EGR4: variants seen among roughly 807,000 people sequenced by gnomAD.
EGR4 encodes the protein early growth response 4, also known as early growth response protein 4.
Under a neutral mutation model 25.4 loss-of-function variants are expected in EGR4, and 22 were observed. The observed-to-expected ratio is 0.87, with a 90% CI of 0.62 to 1.24. The LOEUF (loss-of-function observed/expected upper bound fraction) is 1.24, where lower values mean the gene tolerates loss of function less well. EGR4 is among the 50% of genes most tolerant of loss of function. The pLI, the probability that EGR4 is intolerant of heterozygous loss-of-function variation, is 0.00. For missense variants in EGR4, 742 were observed against 702.9 expected (o/e 1.06, Z -0.63); for synonymous variants, 375 against 320.1 (o/e 1.17, Z -1.83).
At position 73,291,175 on chromosome 2, in the gene EGR4, A is replaced by G. The variant is rs1360480146; in HGVS notation, c.*282T>C. On this transcript the variant is annotated 3_prime_UTR_variant, in exon 2 of 2. Transcript: ENST00000436467. ...GTGGGGCGTGTGCCAGTTACAAAAG[A>G]CTGTCTTGAATCCCAGGGTAGTGCC... The G allele has an allele frequency of 6.4e-5, 30 of 467,668 alleles. No homozygotes were observed. The East Asian group carries it at 1.1e-3, about 17-fold the overall frequency. 29.0% of individuals were successfully genotyped at this position (467,668 alleles called of 1,614,324 possible).
At position 73,291,595 on chromosome 2, in the gene EGR4, G is replaced by T; in HGVS notation, c.1323C>A (p.Asp441Glu). 2 of 1,613,134 alleles carry T rather than the reference G, an allele frequency of 1.2e-6. No individual in the cohort carries two copies. The highest frequency in any genetic ancestry group is 8.5e-7 in the Non-Finnish European group (1 of 1,179,890). Residue 441 changes from aspartate to glutamate, a missense_variant, in exon 2 of 2, where the codon GAC (aspartate) becomes GAA (glutamate). Transcript: ENST00000436467. ...THTGEKPFAC[D>E]VCGRRFARSD... Reference sequence around the variant, plus strand: ...TGCGCGCGAAGCGGCGGCCGCACACGTCGCAAGCAAAAGGCTTCTCGCCGG... The same window carrying T: ...TGCGCGCGAAGCGGCGGCCGCACACTTCGCAAGCAAAAGGCTTCTCGCCGG...
In EGR4 at chr2:73,291,192, G is replaced by A. The variant is rs1689086781; in HGVS notation, c.*265C>T. On this transcript the variant is annotated 3_prime_UTR_variant, in exon 2 of 2. Coordinates refer to ENST00000436467, the MANE Select transcript of EGR4 (RefSeq NM_001965.4). ...TACAAAAGACTGTCTTGAATCCCAG[G>A]GTAGTGCCTATTCACTGGGTGGTCT... is the stretch of plus-strand genomic sequence containing the variant. The A allele has an allele frequency of 1.3e-5, 7 of 534,316 alleles. No individual in the cohort carries two copies. Among genetic ancestry groups the A allele is most frequent in the Non-Finnish European group, 2.3e-5 (7 of 303,502 alleles). 33.1% of individuals were successfully genotyped at this position (534,316 alleles called of 1,614,324 possible). A position where few individuals can be genotyped will look rare whatever the true frequency, so the allele number is the denominator to read the frequency against.
At position 73,293,164 on chromosome 2, in the gene EGR4, C is replaced by T. The variant is rs1574400179; in HGVS notation, c.136+18G>A. On this transcript the variant is annotated intron_variant, in intron 1 of 1. Transcript: ENST00000436467. ...GCTGCGCCGTCGTCGTCTGAGCACC[C>T]CTGCTCGCCCTCCTTACCTCCAGGG... 6.8e-7 allele frequency: 1 copy of T among 1,479,418 alleles called. No individual in the cohort carries two copies. 91.6% of individuals were successfully genotyped at this position (1,479,418 alleles called of 1,614,324 possible).
Position 73,291,777 on chromosome 2 carries a change from C to T in EGR4, c.1141G>A (p.Ala381Thr). Reference protein sequence around the residue: ...FCPRPHAKAFACPVESCVRSF... With the variant: ...FCPRPHAKAFTCPVESCVRSF... ...CGCACACAACTCTCCACCGGGCAAG[C>T]GAAGGCCTTGGCGTGCGGCCGCGGG... The change falls in exon 2 of 2, where the codon GCT (alanine) becomes ACT (threonine). Residue 381 changes from alanine (A) to threonine (T), a missense_variant. Coordinates refer to ENST00000436467, the MANE Select transcript of EGR4 (RefSeq NM_001965.4). The T allele has an allele frequency of 6.2e-7, 1 of 1,600,362 alleles. No individual in the cohort carries two copies.
chr2:73,291,135 G>C lies in EGR4; in HGVS notation c.*322C>G, dbSNP rs1293475667. 8.0e-6 allele frequency: 3 copies of C among 376,342 alleles called. No individual in the cohort carries two copies. In the Admixed American group the frequency reaches 1.3e-4, roughly 16 times the overall value. The allele number at this position is 376,342 out of a possible 1,614,324, so 23.3% of individuals were successfully genotyped here. ...GCGCTGCCCCAGCCTGTCTCTGGGG[G>C]TTATAGAGGAAGGCGTGGGGCGTGT... On this transcript the variant is annotated 3_prime_UTR_variant, in exon 2 of 2. Coordinates refer to ENST00000436467, the MANE Select transcript of EGR4 (RefSeq NM_001965.4).
In EGR4 at chr2:73,292,213, T is replaced by A. The variant is rs772030762; in HGVS notation, c.705A>T (p.Val235=). The A allele has an allele frequency of 6.3e-6, 10 of 1,598,394 alleles. No homozygotes were observed. The highest frequency in any genetic ancestry group is 8.5e-6 in the Non-Finnish European group (10 of 1,172,696). ...YQAAPEARFP[V]IGTKIEDLLS... ...GCAAGTCCTCAATCTTGGTCCCTATTACGGGAAAACGAGCCTCCGGGGCGG... is the reference window on the plus strand; with the variant it reads ...GCAAGTCCTCAATCTTGGTCCCTATAACGGGAAAACGAGCCTCCGGGGCGG... The change falls in exon 2 of 2, where the codon GTA becomes GTT. Residue 235 remains valine, a synonymous_variant. Transcript: ENST00000436467.
Position 73,292,610 on chromosome 2 carries a change from T to C in EGR4, c.308A>G (p.Asn103Ser). 6.5e-7 allele frequency: 1 copy of C among 1,532,210 alleles called. No individual in the cohort carries two copies. Among genetic ancestry groups the C allele is most frequent in the South Asian group, 1.3e-5 (1 of 77,592 alleles). 94.9% of individuals were successfully genotyped at this position (1,532,210 alleles called of 1,614,324 possible). The part of the protein sequence containing the change: ...EHPHDPEALF[N>S]LMSGILGLAP... Reference sequence around the variant, plus strand: ...CAGGCCTAAGATGCCCGACATGAGGTTGAAGAGTGCCTCCGGGTCGTGCGG... The same window carrying C: ...CAGGCCTAAGATGCCCGACATGAGGCTGAAGAGTGCCTCCGGGTCGTGCGG... Residue 103 changes from asparagine to serine, a missense_variant, in exon 2 of 2, where the codon AAC becomes AGC. Transcript: ENST00000436467.
rs1397091634 is a variant in EGR4 at position 73,291,440 on chromosome 2, A to G, written c.*17T>C. ...GCGCCGAACGGCGGCGCCCCAACCC[A>G]TAAACCCATCTCTTGCTCAGAGAGA... On this transcript the variant is annotated 3_prime_UTR_variant, in exon 2 of 2. Transcript: ENST00000436467. 2 of 1,578,360 alleles carry G rather than the reference A, an allele frequency of 1.3e-6. No individual in the cohort carries two copies. Among genetic ancestry groups the G allele is most frequent in the Non-Finnish European group, 8.6e-7 (1 of 1,162,522 alleles).
In EGR4 at chr2:73,292,047, T is replaced by C; in HGVS notation, c.871A>G (p.Ser291Gly). ...TCGCCGCTACTCCCTCCCTCCCCAC[T>C]AGGAGGGGTCAGGAGCCCAGGGAGG... ...EGLPGLLTPP[S>G]GEGGSSGDGG... Residue 291 changes from serine (S) to glycine (G), a missense_variant, in exon 2 of 2, where the codon AGT becomes GGT. By Grantham distance (56) the Ser-to-Gly change is moderately conservative. Transcript: ENST00000436467. 1 of 1,609,320 alleles carries C rather than the reference T, an allele frequency of 6.2e-7. No individual in the cohort carries two copies. Among genetic ancestry groups the C allele is most frequent in the South Asian group, 1.1e-5 (1 of 90,422 alleles).
At chr2:73,293,116 T>A (rs1275051042) in intron 1 of EGR4, 66 bp downstream of exon 1, 5 of 1,349,968 alleles carry the variant, frequency 3.7e-6, no homozygotes, top group Non-Finnish European at 3.9e-6. Flanking sequence ...CCCTCCTGGT[T>A]CTCAGGTATG....
Position 73,291,691 on chromosome 2 carries a change from G to C in EGR4, c.1227C>G (p.Pro409=). ...RHLRIHTGHK[P]FQCRICLRNF... is the part of the protein sequence containing the mutation. ...TGCGGAGGCAGATGCGGCACTGGAA[G>C]GGTTTGTGGCCCGTGTGGATGCGCA... Residue 409 remains proline, a synonymous_variant, in exon 2 of 2, where the codon CCC becomes CCG. Transcript: ENST00000436467. 1 of 1,609,112 alleles carries C rather than the reference G, an allele frequency of 6.2e-7. No individual in the cohort carries two copies. The highest frequency in any genetic ancestry group is 8.5e-7 in the Non-Finnish European group (1 of 1,179,880).
At position 73,293,273 on chromosome 2, in the gene EGR4, G is replaced by T; in HGVS notation, c.45C>A (p.Val15=). The part of the protein sequence containing the change: ...SEFSEPDALL[V]KSTEGCCAEP... Reference sequence around the variant, plus strand: ...CGGCGCAACAGCCTTCAGTGGACTTGACGAGGAGCGCGTCGGGTTCGGAAA... The same window carrying T: ...CGGCGCAACAGCCTTCAGTGGACTTTACGAGGAGCGCGTCGGGTTCGGAAA... Residue 15 remains valine (V), a synonymous_variant, in exon 1 of 2, where the codon GTC becomes GTA. Transcript: ENST00000436467. The T allele has an allele frequency of 6.3e-7, 1 of 1,588,182 alleles. No individual in the cohort carries two copies.
In EGR4 at chr2:73,293,290, G is replaced by A. The variant is rs1322717587; in HGVS notation, c.28C>T (p.Pro10Ser). 1 of 1,590,124 alleles carries A rather than the reference G, an allele frequency of 6.3e-7. No individual in the cohort carries two copies. Among genetic ancestry groups the A allele is most frequent in the Non-Finnish European group, 8.5e-7 (1 of 1,170,694 alleles). Residue 10 changes from proline (P) to serine (S), a missense_variant, in exon 1 of 2, where the codon CCC (proline) becomes TCC (serine). Coordinates refer to ENST00000436467, the MANE Select transcript of EGR4 (RefSeq NM_001965.4). ...GTGGACTTGACGAGGAGCGCGTCGG[G>A]TTCGGAAAACTCGCTAAGGTGGAGC... The part of the protein sequence containing the change: MLHLSEFSE[P>S]DALLVKSTEG...
At position 73,293,207 on chromosome 2, in the gene EGR4, A is replaced by G; in HGVS notation, c.111T>C (p.Ala37=). 1.3e-6 allele frequency: 2 copies of G among 1,550,998 alleles called. No homozygotes were observed. The highest frequency in any genetic ancestry group is 1.7e-6 in the Non-Finnish European group (2 of 1,148,286). Residue 37 remains alanine, a synonymous_variant, in exon 1 of 2, where the codon GCT becomes GCC. Transcript: ENST00000436467. ...CTCCAGGGTAGCCGGTGGCCGCGGG[A>G]GCGTCCCTGGCAGGCAGCCGGGGCA... ...AELPRLPARD[A]PAATGYPGAG...
rs778001292 is a variant in EGR4 at position 73,291,468 on chromosome 2, C to G, written c.1450G>C (p.Ala484Pro). The G allele has an allele frequency of 5.6e-6, 9 of 1,601,928 alleles. No homozygotes were observed. The highest frequency in any genetic ancestry group is 6.0e-6 in the Non-Finnish European group (7 of 1,173,288). The change falls in exon 2 of 2, where the codon GCT becomes CCT. Residue 484 changes from alanine to proline, a missense_variant. Transcript: ENST00000436467. Reference protein sequence around the residue: ...LGFYSLGLSFASL With the variant: ...LGFYSLGLSFPSL The stretch of plus-strand genomic sequence containing the variant: ...AACCCATCTCTTGCTCAGAGAGAAG[C>G]GAAGGAGAGGCCCAGCGAGTAAAAG...
chr2:73,291,150 G>A lies in EGR4; in HGVS notation c.*307C>T. Reference sequence around the variant, plus strand: ...GTCTCTGGGGGTTATAGAGGAAGGCGTGGGGCGTGTGCCAGTTACAAAAGA... The same window carrying A: ...GTCTCTGGGGGTTATAGAGGAAGGCATGGGGCGTGTGCCAGTTACAAAAGA... On this transcript the variant is annotated 3_prime_UTR_variant, in exon 2 of 2. Coordinates refer to ENST00000436467, the MANE Select transcript of EGR4 (RefSeq NM_001965.4). 2 of 412,014 alleles carry A rather than the reference G, an allele frequency of 4.9e-6. No homozygotes were observed. Among genetic ancestry groups the A allele is most frequent in the South Asian group, 4.5e-5 (1 of 22,092 alleles). 25.5% of individuals were successfully genotyped at this position (412,014 alleles called of 1,614,324 possible). A position where few individuals can be genotyped will look rare whatever the true frequency, so the allele number is the denominator to read the frequency against.
rs1002417252 is a variant in EGR4 at position 73,291,283 on chromosome 2, G to A, written c.*174C>T. 12 of 905,368 alleles carry A rather than the reference G, an allele frequency of 1.3e-5. No individual in the cohort carries two copies. The highest frequency in any genetic ancestry group is 3.7e-5 in the South Asian group (2 of 53,482). 56.1% of individuals were successfully genotyped at this position (905,368 alleles called of 1,614,324 possible). A position where few individuals can be genotyped will look rare whatever the true frequency, so the allele number is the denominator to read the frequency against. ...CGCCTGGACCGCGGGAACTGTCCGC[G>A]GAGCTGGTGCTGAATAGGGCGTGTG... On this transcript the variant is annotated 3_prime_UTR_variant, in exon 2 of 2. Transcript: ENST00000436467.
rs1344881251 is a variant in EGR4 at position 73,293,387 on chromosome 2, G to A, written c.-70C>T. The stretch of plus-strand genomic sequence containing the variant: ...CTTGGGGGCGCGCGGGTGGCGGGGA[G>A]GCTGGCGGTAGGGGTTCCCCGCAGC... On this transcript the variant is annotated 5_prime_UTR_variant, in exon 1 of 2. Coordinates refer to ENST00000436467, the MANE Select transcript of EGR4 (RefSeq NM_001965.4). The A allele has an allele frequency of 1.3e-6, 2 of 1,499,788 alleles. No individual in the cohort carries two copies. Among genetic ancestry groups the A allele is most frequent in the Admixed American group, 2.4e-5 (1 of 41,176 alleles). 92.9% of individuals were successfully genotyped at this position (1,499,788 alleles called of 1,614,324 possible).
In EGR4 at chr2:73,291,701, C is replaced by T; in HGVS notation, c.1217G>A (p.Gly406Asp). Reference protein sequence around the residue: ...ELNRHLRIHTGHKPFQCRICL... With the variant: ...ELNRHLRIHTDHKPFQCRICL... ...GATGCGGCACTGGAAGGGTTTGTGG[C>T]CCGTGTGGATGCGCAGGTGGCGATT... Residue 406 changes from glycine (G) to aspartate (D), a missense_variant, in exon 2 of 2, where the codon GGC becomes GAC. Transcript: ENST00000436467. 1.2e-6 allele frequency: 2 copies of T among 1,607,818 alleles called. No homozygotes were observed. Among genetic ancestry groups the T allele is most frequent in the Non-Finnish European group, 1.7e-6 (2 of 1,179,870 alleles).
Sources: allele counts gnomAD v4.1 joint callset, GRCh38; gene constraint gnomAD v4.1.1; transcripts MANE v1.5; gene names NCBI Gene and HGNC (gene_info 2026-07-23, HGNC 2026-07-21).